The following MPHOSPH8 variants were observed in gnomAD, a reference collection of about 807,000 sequenced individuals.
The protein encoded by MPHOSPH8 is M-phase phosphoprotein 8.
A neutral mutation model predicts 87.3 loss-of-function variants in MPHOSPH8; 45 were observed. The observed-to-expected ratio is 0.52, with a 90% CI of 0.41 to 0.66. The LOEUF (loss-of-function observed/expected upper bound fraction) is 0.66, where lower values mean the gene tolerates loss of function less well. Ranked by LOEUF, MPHOSPH8 falls within the 30% of genes least tolerant of loss-of-function variation. The pLI, the probability that MPHOSPH8 is intolerant of heterozygous loss-of-function variation, is 0.00. For synonymous variants in MPHOSPH8, 366 were observed against 376.9 expected, an observed-to-expected ratio of 0.97 and a Z score of 0.33; for missense variants, 883 against 1,020.2, an observed-to-expected ratio of 0.87 and a Z score of 1.83.
chr13:19,661,943 C>T (rs9551950), intron 8 of MPHOSPH8, 105 bp downstream of exon 8: 142,481 of 1,219,260 alleles, frequency 0.12, 9,491 homozygotes, highest in African/African-American at 0.18. Flanking sequence ...ATGGTCACAT[C>T]GCTTTTTTTT....
At chr13:19,666,715 G>C (rs775840294) in intron 10 of MPHOSPH8, 136 bp downstream of exon 10, 16 of 668,990 alleles carry the variant, frequency 2.4e-5, no homozygotes, top group Non-Finnish European at 3.6e-5. Flanking sequence ...TTTGTTTCCA[G>C]TAGATCACAG....
intron 5 of MPHOSPH8, among the ~76,000 whole-genome samples, chr13:19,653,839 A>G (rs1404553276): frequency 6.6e-6 from 1 of 152,200 alleles, no homozygotes; most frequent in Non-Finnish European, 1.5e-5. Context: ...GAAATAAAGC[A>G]AGAAGACAAG....
chr13:19,642,186 C>T lies in MPHOSPH8; in HGVS notation c.285C>T (p.His95=). The change falls in exon 2 of 14, where the codon CAC becomes CAT. Residue 95 remains histidine (H), a synonymous_variant. Transcript: ENST00000361479. Reference sequence around the variant, plus strand: ...ATGATACCTGGGAGCCCGAGATTCACCTGGAGGACTGTAAAGAAGTGCTTC... The same window carrying T: ...ATGATACCTGGGAGCCCGAGATTCATCTGGAGGACTGTAAAGAAGTGCTTC... ...SDDDTWEPEI[H]LEDCKEVLLE... 1 of 1,612,354 alleles carries T rather than the reference C, an allele frequency of 6.2e-7. No homozygotes were observed. The highest frequency in any genetic ancestry group is 8.5e-7 in the Non-Finnish European group (1 of 1,179,390).
intron 1 of MPHOSPH8, among the ~76,000 whole-genome samples, chr13:19,635,799 C>T (rs576862417): frequency 6.6e-6 from 1 of 152,190 alleles, no homozygotes; most frequent in South Asian, 2.1e-4. Context: ...TTGGCTGTGT[C>T]CCCACCCAGA....
intron 3 of MPHOSPH8, 91 bp from the exon 4 acceptor site, chr13:19,648,331 G>A (rs566163032): frequency 7.0e-5 from 52 of 740,174 alleles, no homozygotes; most frequent in Middle Eastern, 7.6e-4. Context: ...GTGATTCCCT[G>A]AAGCCACAAA....
chr13:19,657,566 CA>C (rs1277524642), intron 5 of MPHOSPH8, among the ~76,000 whole-genome samples: 11 of 144,500 alleles, frequency 7.6e-5, no homozygotes, highest in South Asian at 2.2e-4. Flanking sequence ...GACTCCGTCT[CA>C]AAAAAAAAAG....
chr13:19,639,951 C>T (rs1259044001), intron 1 of MPHOSPH8, among the ~76,000 whole-genome samples: 1 of 152,096 alleles, frequency 6.6e-6, no homozygotes, highest in African/African-American at 2.4e-5. Flanking sequence ...CTAAACAATA[C>T]AAAACTCAGC....
At chr13:19,641,752 TC>T (rs1456602404) in intron 1 of MPHOSPH8, among the ~76,000 whole-genome samples, 2 of 152,176 alleles carry the variant, frequency 1.3e-5, no homozygotes, top group East Asian at 3.9e-4. Flanking sequence ...TGCCTCGGCC[TC>T]CCAAAATGCT....
chr13:19,647,077 C>T lies in MPHOSPH8; in HGVS notation c.1004C>T (p.Pro335Leu), dbSNP rs766787009. The T allele has an allele frequency of 1.0e-5, 16 of 1,607,118 alleles. No individual in the cohort carries two copies. Among genetic ancestry groups the T allele is most frequent in the Admixed American group, 8.7e-5 (5 of 57,414 alleles). Residue 335 changes from proline (P) to leucine (L), a missense_variant, in exon 3 of 14, where the codon CCG becomes CTG. Transcript: ENST00000361479. ...AGAGGCAGGAGGAAAAAGAAGACCC[C>T]GAGAAAGGCTGAGGACACTAGAGAG... ...DVRGRRKKKT[P>L]RKAEDTRENR...
chr13:19,648,553 C>T (rs751557285), intron 4 of MPHOSPH8, 32 bp downstream of exon 4: 39 of 1,130,712 alleles, frequency 3.4e-5, no homozygotes, highest in South Asian at 6.6e-5. Flanking sequence ...TTGCCATTTA[C>T]GTTGCTATCT....
At position 19,670,316 on chromosome 13, in the gene MPHOSPH8, G is replaced by A; in HGVS notation, c.2410G>A (p.Val804Ile). 6.2e-7 allele frequency: 1 copy of A among 1,614,120 alleles called. No individual in the cohort carries two copies. The highest frequency in any genetic ancestry group is 8.5e-7 in the Non-Finnish European group (1 of 1,179,964). Reference protein sequence around the residue: ...VIARLCGPCSVQAVVLNDKFQ... With the variant: ...VIARLCGPCSIQAVVLNDKFQ... ...TGCTCGGCTCTGTGGACCGTGTAGT[G>A]TACAAGCTGTAGTTCTGAATGATAA... Residue 804 changes from valine to isoleucine, a missense_variant, in exon 12 of 14, where the codon GTA becomes ATA. Transcript: ENST00000361479.
At chr13:19,635,908 C>A (rs945968252) in intron 1 of MPHOSPH8, among the ~76,000 whole-genome samples, 1 of 152,124 alleles carries the variant, frequency 6.6e-6, no homozygotes, top group Non-Finnish European at 1.5e-5. Flanking sequence ...GCTGTTCTCA[C>A]GATAGTGAGT....
intron 10 of MPHOSPH8, among the ~76,000 whole-genome samples, chr13:19,667,304 G>A (rs775618586): frequency 5.3e-5 from 8 of 152,244 alleles, no homozygotes; most frequent in Non-Finnish European, 8.8e-5. Context: ...CATCCTCCCC[G>A]ACTGTCGAGA....
At chr13:19,658,691 G>A (rs1875341255) in intron 5 of MPHOSPH8, among the ~76,000 whole-genome samples, 2 of 152,180 alleles carry the variant, frequency 1.3e-5, no homozygotes, top group Admixed American at 6.5e-5. Context: ...CCTCTTACCA[G>A]ATCCCCGATC....
Position 19,666,586 on chromosome 13 carries a change from G to T in MPHOSPH8, c.2174+7G>T. ...TGAAGAACCATTTAGAGACGTAAGT[G>T]AGAAGCGACTGTGCCATAGTTAAGT... On this transcript the variant is annotated splice_region_variant and intron_variant, in intron 10 of 13. Coordinates refer to ENST00000361479, the MANE Select transcript of MPHOSPH8 (RefSeq NM_017520.4). The T allele has an allele frequency of 6.4e-7, 1 of 1,572,242 alleles. No homozygotes were observed. The highest frequency in any genetic ancestry group is 1.1e-5 in the South Asian group (1 of 87,898).
intron 5 of MPHOSPH8, among the ~76,000 whole-genome samples, chr13:19,650,765 T>A (rs1565937369): frequency 3.6e-5 from 1 of 27,574 alleles, no homozygotes; most frequent in Non-Finnish European, 2.4e-4. Context: ...TAGGACCTAA[T>A]AAATCAGAGA....
chr13:19,671,444 T>C (rs1876120834), intron 13 of MPHOSPH8, among the ~76,000 whole-genome samples, 155 bp downstream of exon 13: 1 of 152,124 alleles, frequency 6.6e-6, no homozygotes, highest in African/African-American at 2.4e-5. Flanking sequence ...CCTCTCTCAG[T>C]TTACAATGTG....
intron 1 of MPHOSPH8, among the ~76,000 whole-genome samples, chr13:19,635,178 G>T (rs1292313786): frequency 6.6e-6 from 1 of 152,178 alleles, no homozygotes; most frequent in Non-Finnish European, 1.5e-5. Context: ...AGACTATTTT[G>T]TATCACTTGC....
intron 13 of MPHOSPH8, among the ~76,000 whole-genome samples, chr13:19,671,557 A>G (rs749079763): frequency 1.3e-5 from 2 of 152,204 alleles, no homozygotes; most frequent in Non-Finnish European, 2.9e-5. Flanking sequence ...CTTGGTATGG[A>G]GTTGCCAAAT....
Sources: gnomAD v4.1 joint callset for allele counts (sites outside exome capture counted in the v4.1 genomes callset) on GRCh38, gnomAD v4.1.1 for gene constraint, MANE v1.5 for transcripts, NCBI Gene and HGNC (gene_info 2026-07-23, HGNC 2026-07-21) for gene names.